The following NLRP8 variants were observed in gnomAD, a reference collection of about 807,000 sequenced individuals.
NLRP8 encodes NLR family pyrin domain containing 8, also known as NACHT, LRR and PYD domains-containing protein 8.
A neutral mutation model predicts 88.7 loss-of-function variants in NLRP8; 86 were observed. That is an observed-to-expected ratio of 0.97 (90% CI 0.81 to 1.16). The LOEUF is 1.16. Ranked by LOEUF, NLRP8 falls within the 50% of genes most tolerant of loss-of-function variation. NLRP8 has a pLI of 0.00. For missense variants in NLRP8, 1,342 were observed against 1,286.5 expected (o/e 1.04, Z -0.66); for synonymous variants, 504 against 494.6 (o/e 1.02, Z -0.25).
At chr19:55,975,509 A>C (rs1346226106) in intron 7 of NLRP8, among the ~76,000 whole-genome samples, 1 of 152,164 alleles carries the variant, frequency 6.6e-6, no homozygotes, top group East Asian at 1.9e-4. Context: ...TAGTACTCAT[A>C]ATACCCAAGA....
intron 9 of NLRP8, 79 bp downstream of exon 9, chr19:55,979,643 G>C: frequency 1.3e-6 from 2 of 1,488,846 alleles, no homozygotes; most frequent in Non-Finnish European, 1.9e-6. Flanking sequence ...GCTGGGCTGG[G>C]TGTAGTGGTG....
At chr19:55,966,413 C>CGG in intron 5 of NLRP8, 33 bp downstream of exon 5, 1 of 1,603,366 alleles carries the variant, frequency 6.2e-7, no homozygotes. Flanking sequence ...GAGTGGGAAC[C>CGG]GGGGTACCCG....
At position 55,947,897 on chromosome 19, in the gene NLRP8, C is replaced by G. The variant is rs746769972; in HGVS notation, c.-6C>G. On this transcript the variant is annotated 5_prime_UTR_variant, in exon 1 of 10. Coordinates refer to ENST00000291971, the MANE Select transcript of NLRP8 (RefSeq NM_176811.2). ...GACACTGAGGTGTTCTCTGCCTTGA[C>G]TAAAGATGAGTGACGTGAATCCACC... 26 of 1,604,914 alleles carry G rather than the reference C, an allele frequency of 1.6e-5. No individual in the cohort carries two copies. The highest frequency in any genetic ancestry group is 2.2e-5 in the Non-Finnish European group (26 of 1,174,884).
At chr19:55,970,066 G>A (rs1412280511) in intron 5 of NLRP8, among the ~76,000 whole-genome samples, 2 of 152,138 alleles carry the variant, frequency 1.3e-5, no homozygotes, top group African/African-American at 2.4e-5. Context: ...GCACAGCAGG[G>A]TGACTATAAC....
chr19:55,965,441 A>C (rs1459909689), intron 4 of NLRP8, among the ~76,000 whole-genome samples: 1 of 150,802 alleles, frequency 6.6e-6, no homozygotes, highest in Non-Finnish European at 1.5e-5. Flanking sequence ...ACAGAGTGAG[A>C]CTCCATCTCA....
In NLRP8 at chr19:55,976,301, G is replaced by A. The variant is rs1600314415; in HGVS notation, c.2874G>A (p.Leu958=). The A allele has an allele frequency of 6.3e-7, 1 of 1,595,258 alleles. No homozygotes were observed. The highest frequency in any genetic ancestry group is 8.5e-7 in the Non-Finnish European group (1 of 1,174,388). Residue 958 remains leucine, a splice_region_variant and synonymous_variant, in exon 8 of 10, where the codon CTG becomes CTA. Transcript: ENST00000291971. ...ACCCTGACTGTACATTACAGATCCT[G>A]GAGTAAGTGGCCCCTCGTCTCCTCC...
At chr19:55,985,322 AG>A (rs1161567542) in intron 9 of NLRP8, among the ~76,000 whole-genome samples, 2 of 137,086 alleles carry the variant, frequency 1.5e-5, no homozygotes, top group Non-Finnish European at 3.0e-5. Context: ...AAAATGAAAA[AG>A]AAAAAAAAGA....
In NLRP8 at chr19:55,947,836, C is replaced by T. The variant is rs569866983; in HGVS notation, c.-67C>T. The T allele has an allele frequency of 2.5e-4, 380 of 1,512,156 alleles. 3 individuals are homozygous for T. The East Asian group carries it at 8.3e-3, about 33-fold the overall frequency. The allele number at this position is 1,512,156 out of a possible 1,614,324, so 93.7% of individuals were successfully genotyped here. ...TATTGTTTTATGTCTCTGCAGGTCT[C>T]GTGTTTCTCTCTTCCAATCGGTTGT... On this transcript the variant is annotated 5_prime_UTR_variant, in exon 1 of 10. Transcript: ENST00000291971.
At chr19:55,975,940 GA>G in intron 7 of NLRP8, among the ~76,000 whole-genome samples, 192 bp from the exon 8 acceptor site, 1 of 152,284 alleles carries the variant, frequency 6.6e-6, no homozygotes, top group Middle Eastern at 3.4e-3. Flanking sequence ...TTAAGTGGGT[GA>G]ATTGTGTGAT....
At chr19:55,972,668 G>A (rs1486545097) in intron 6 of NLRP8, among the ~76,000 whole-genome samples, 3 of 151,758 alleles carry the variant, frequency 2.0e-5, no homozygotes, top group Non-Finnish European at 4.4e-5. Context: ...ATATGAGTGA[G>A]AACATACGAC....
intron 5 of NLRP8, 151 bp downstream of exon 5, chr19:55,966,531 G>A (rs1012063579): frequency 2.7e-5 from 20 of 733,962 alleles, no homozygotes; most frequent in African/African-American, 1.1e-4. Context: ...GGCCGGGCGC[G>A]GTGGCTCACG....
chr19:55,958,372 G>A (rs1979467302), intron 3 of NLRP8, among the ~76,000 whole-genome samples: 1 of 152,138 alleles, frequency 6.6e-6, no homozygotes, highest in Admixed American at 6.6e-5. Flanking sequence ...CTCTCCTTAT[G>A]GGATGAGACA....
chr19:55,986,737 G>A (rs1254381008), intron 9 of NLRP8, among the ~76,000 whole-genome samples: 2 of 152,192 alleles, frequency 1.3e-5, no homozygotes, highest in East Asian at 1.9e-4. Flanking sequence ...CCACGTGGGC[G>A]TGGAGCTGGG....
intron 7 of NLRP8, 85 bp from the exon 8 acceptor site, chr19:55,976,048 A>T: frequency 4.6e-6 from 6 of 1,302,130 alleles, no homozygotes; most frequent in Non-Finnish European, 6.2e-6. Flanking sequence ...AAGAAGTAAA[A>T]CCTAAGGGTG....
At chr19:55,959,500 C>T (rs925716883) in intron 3 of NLRP8, among the ~76,000 whole-genome samples, 1 of 135,864 alleles carries the variant, frequency 7.4e-6, no homozygotes, top group Non-Finnish European at 1.6e-5. Flanking sequence ...GCGTGAGCCA[C>T]CGCGCCCGGC....
At chr19:55,954,456 C>T in intron 2 of NLRP8, 45 bp from the exon 3 acceptor site, 1 of 1,567,308 alleles carries the variant, frequency 6.4e-7, no homozygotes, top group East Asian at 2.2e-5. Flanking sequence ...TCTTGCAATT[C>T]ACTCTGATGT....
At chr19:55,978,201 T>A (rs1035171306) in intron 8 of NLRP8, among the ~76,000 whole-genome samples, 5 of 152,152 alleles carry the variant, frequency 3.3e-5, no homozygotes, top group African/African-American at 1.2e-4. Flanking sequence ...TTAATTTTTT[T>A]TAAATTTTTT....
At chr19:55,971,980 A>T (rs758069618) in intron 6 of NLRP8, among the ~76,000 whole-genome samples, 13 of 151,946 alleles carry the variant, frequency 8.6e-5, no homozygotes, top group Non-Finnish European at 1.8e-4. Flanking sequence ...CTTCCCATGT[A>T]TTTAATGCGT....
intron 5 of NLRP8, among the ~76,000 whole-genome samples, chr19:55,970,309 G>C (rs1980017319): frequency 6.6e-6 from 1 of 152,132 alleles, no homozygotes; most frequent in African/African-American, 2.4e-5. Context: ...GAAATAGTTA[G>C]AGCTCAGTCG....
Sources: allele counts gnomAD v4.1 joint callset (sites outside exome capture counted in the v4.1 genomes callset), GRCh38; gene constraint gnomAD v4.1.1; transcripts MANE v1.5; gene names NCBI Gene and HGNC (gene_info 2026-07-23, HGNC 2026-07-21).